Variants in ESRRB observed in about 807,000 individuals in gnomAD.
ESRRB encodes the protein estrogen related receptor beta.
In ESRRB, 16 loss-of-function variants were observed where a neutral mutation model predicts 46.0. That is an observed-to-expected ratio of 0.35 (90% CI 0.24 to 0.53). ESRRB has a LOEUF of 0.53. Among genes scored for constraint, ESRRB ranks in the 20% least tolerant of loss-of-function variants. ESRRB has a pLI of 0.93. For missense variants in ESRRB, 488 were observed against 607.4 expected (o/e 0.80, Z 2.07); for synonymous variants, 246 against 259.6 (o/e 0.95, Z 0.50).
rs1005830815 is a variant in ESRRB, at chr14:76,361,198, C to T, written c.2+50282C>T. On this transcript the variant is annotated intron_variant, in intron 1 of 6. Transcript: ENST00000512784. ...ATGGTCCCAGCACATCGAGATGACT[C>T]GGCTGCCCAGTGGCCTGGCAGGTGG... is the stretch of plus-strand genomic sequence containing the variant. 6.6e-5 allele frequency among the ~76,000 whole-genome samples: 10 copies of T among 152,326 alleles called. No homozygotes were observed. In the South Asian group the frequency reaches 1.0e-3, roughly 16 times the overall value.
chr14:76,332,140 G>A (rs1884020814), intron 1 of ESRRB, among the ~76,000 whole-genome samples: 1 of 151,812 alleles, frequency 6.6e-6, no homozygotes, highest in South Asian at 2.1e-4. Context: ...GATTGGAGTT[G>A]CCTCTCTCTT....
At chr14:76,368,450 G>A (rs1014981281), upstream of ESRRB, among the ~76,000 whole-genome samples, 2 of 152,086 alleles carry the variant, frequency 1.3e-5, no homozygotes, top group East Asian at 1.9e-4. Context: ...ATGTGCTATC[G>A]GTTCTGACCC....
At chr14:76,337,826 C>T (rs767271246) in intron 1 of ESRRB, among the ~76,000 whole-genome samples, 2 of 152,246 alleles carry the variant, frequency 1.3e-5, no homozygotes, top group Non-Finnish European at 2.9e-5. Context: ...CCTACTGCCA[C>T]GGCCTCAGGT....
At chr14:76,448,328 C>CT (rs33918963) in intron 2 of ESRRB, among the ~76,000 whole-genome samples, 28,373 of 133,430 alleles carry the variant, frequency 0.21, 3,424 homozygotes, top group Middle Eastern at 0.28. Context: ...ATTTACTTAC[C>CT]TTTTTTTTTT....
At chr14:76,395,384 C>T (rs575027263) in intron 1 of ESRRB, among the ~76,000 whole-genome samples, 20 of 152,256 alleles carry the variant, frequency 1.3e-4, no homozygotes, top group African/African-American at 4.3e-4. Context: ...GGGGCTGCAG[C>T]GGGGCGTGTG....
At chr14:76,463,441 C>CTTTGTTTTTTTT (rs780901614) in intron 3 of ESRRB, 1 of 110,418 alleles carries the variant, frequency 9.1e-6, no homozygotes, top group Non-Finnish European at 1.8e-5. Flanking sequence ...TCACATGCTT[C>CTTTGTTTTTTTT]TTTGTTTTTT....
At chr14:76,313,821 C>T (rs1883766879) in intron 1 of ESRRB, among the ~76,000 whole-genome samples, 1 of 152,188 alleles carries the variant, frequency 6.6e-6, no homozygotes, top group Non-Finnish European at 1.5e-5. Flanking sequence ...CTTTCCCTCC[C>T]CCTTTTCGCC....
intron 6 of ESRRB, 36 bp downstream of exon 6, chr14:76,491,752 T>C (rs1335421353): frequency 6.5e-6 from 10 of 1,549,710 alleles, no homozygotes; most frequent in Non-Finnish European, 8.7e-6. Context: ...GGGGAGCTTC[T>C]AGGGCTCTGC....
At chr14:76,347,169 C>G (rs1289788189) in intron 1 of ESRRB, among the ~76,000 whole-genome samples, 1 of 152,158 alleles carries the variant, frequency 6.6e-6, no homozygotes, top group African/African-American at 2.4e-5. Context: ...CCTCATCCAC[C>G]TCAGGGTTAC....
intron 1 of ESRRB, among the ~76,000 whole-genome samples, chr14:76,332,954 T>TTA (rs1566853588): frequency 4.0e-5 from 1 of 24,844 alleles, no homozygotes; most frequent in African/African-American, 1.3e-4. Context: ...TATTATATAT[T>TTA]TACATTATAT....
At chr14:76,403,643 G>A (rs181649108) in intron 1 of ESRRB, among the ~76,000 whole-genome samples, 78 of 152,262 alleles carry the variant, frequency 5.1e-4, no homozygotes, top group African/African-American at 1.7e-3. Flanking sequence ...CTTGCTGCAC[G>A]AGGCCCCGGT....
At position 76,439,756 on chromosome 14, in the gene ESRRB, TG is replaced by T. The variant is rs1418767126; in HGVS notation, c.460+8del. ...CTTCAAGAGGACTATCCAAGGTGCGTGGTGGGCCTCAAGGAGCCTGGGCGCA... is the reference window on the plus strand; with the variant it reads ...CTTCAAGAGGACTATCCAAGGTGCGTGTGGGCCTCAAGGAGCCTGGGCGCA... On this transcript the variant is annotated splice_region_variant and intron_variant, in intron 2 of 6. Transcript: ENST00000644823. The T allele has an allele frequency of 1.2e-6, 2 of 1,612,546 alleles. No homozygotes were observed. The highest frequency in any genetic ancestry group is 1.7e-6 in the Non-Finnish European group (2 of 1,178,694).
chr14:76,363,840 T>A (rs1884491908), intron 1 of ESRRB, among the ~76,000 whole-genome samples: 2 of 152,216 alleles, frequency 1.3e-5, no homozygotes. Flanking sequence ...CGTAGTAGAA[T>A]TGACAGAGAG....
chr14:76,486,558 C>CT (rs35762017), intron 5 of ESRRB, among the ~76,000 whole-genome samples: 28 of 149,204 alleles, frequency 1.9e-4, no homozygotes, highest in Non-Finnish European at 2.8e-4. Flanking sequence ...AAATTACGTG[C>CT]TTTTTTTTTT....
At chr14:76,434,063 A>G (rs1887566608) in intron 1 of ESRRB, among the ~76,000 whole-genome samples, 2 of 151,552 alleles carry the variant, frequency 1.3e-5, no homozygotes, top group Non-Finnish European at 2.9e-5. Context: ...TGTTCAAGCA[A>G]TTCGCCTACC....
rs1243996290 is a variant in ESRRB, at chr14:76,498,688, C to A, written c.*230C>A. On this transcript the variant is annotated 3_prime_UTR_variant, in exon 7 of 7. Coordinates refer to ENST00000644823, the MANE Select transcript of ESRRB (RefSeq NM_001379180.1). ...GGGGCTCGACTGTAACTGGCTTTTT[C>A]TTTGGTATGTCTTTCCTTCTCCATG... The A allele has an allele frequency of 4.8e-6, 7 of 1,447,936 alleles. No homozygotes were observed. Among genetic ancestry groups the A allele is most frequent in the Non-Finnish European group, 4.8e-6 (5 of 1,046,460 alleles). 89.7% of individuals were successfully genotyped at this position (1,447,936 alleles called of 1,614,324 possible).
intron 3 of ESRRB, among the ~76,000 whole-genome samples, chr14:76,472,230 A>G (rs1354641526): frequency 6.6e-6 from 1 of 152,228 alleles, no homozygotes; most frequent in East Asian, 1.9e-4. Flanking sequence ...TCAGGCGTAC[A>G]GTTTTGGAGA....
upstream of ESRRB, among the ~76,000 whole-genome samples, chr14:76,366,894 T>C (rs911984821): frequency 6.6e-6 from 1 of 152,182 alleles, no homozygotes; most frequent in Non-Finnish European, 1.5e-5. Context: ...AACTGGGTGC[T>C]GAGTACAGAT....
At position 76,331,215 on chromosome 14, in the gene ESRRB, G is replaced by T. The variant is rs78144528; in HGVS notation, c.2+20299G>T. Among the ~76,000 whole-genome samples the T allele has an allele frequency of 9.3e-3, 1,411 of 152,260 alleles. 17 individuals carry two copies. Among genetic ancestry groups the T allele is most frequent in the African/African-American group, 0.032 (1,349 of 41,540 alleles). Reference sequence around the variant, plus strand: ...TCTGACCAGCCCTGGCATGACTCCTGGCAGCTTTTCTCTGAGTTCTGGGCA... The same window carrying T: ...TCTGACCAGCCCTGGCATGACTCCTTGCAGCTTTTCTCTGAGTTCTGGGCA... On this transcript the variant is annotated intron_variant, in intron 1 of 6. Transcript: ENST00000512784.
Sources: allele counts gnomAD v4.1 joint callset (sites outside exome capture counted in the v4.1 genomes callset), GRCh38; gene constraint gnomAD v4.1.1; transcripts MANE v1.5; gene names NCBI Gene and HGNC (gene_info 2026-07-23, HGNC 2026-07-21).